Variants in CLSPN observed in about 807,000 individuals in gnomAD.
The protein encoded by CLSPN is claspin homolog.
Under a neutral mutation model 156.3 loss-of-function variants are expected in CLSPN, and 85 were observed. That is an observed-to-expected ratio of 0.54 (90% CI 0.46 to 0.65). CLSPN has a LOEUF of 0.65. Ranked by LOEUF, CLSPN falls within the 30% of genes least tolerant of loss-of-function variation. CLSPN has a pLI of 0.00. For missense variants in CLSPN, 1,407 were observed against 1,554.9 expected, an observed-to-expected ratio of 0.90 and a Z score of 1.60; for synonymous variants, 534 against 542.4, an observed-to-expected ratio of 0.98 and a Z score of 0.22.
rs1642196223 is a variant in CLSPN, at chr1:35,754,183, T to C, written c.1580-247A>G. 2.0e-5 allele frequency among the ~76,000 whole-genome samples: 3 copies of C among 152,192 alleles called. No individual in the cohort carries two copies. In the South Asian group the frequency reaches 6.2e-4, roughly 31 times the overall value. On this transcript the variant is annotated intron_variant, in intron 8 of 24. Transcript: ENST00000318121. ...GACTTTAAAAAATCAGACAGAAATT[T>C]ATACCTGAAATTTCTAAATATGTGC...
rs1036095713 is a variant in CLSPN, at chr1:35,732,922, A to G, written c.*3574T>C. The G allele has an allele frequency of 5.1e-6, 5 of 985,302 alleles. No homozygotes were observed. The African/African-American group carries it at 8.7e-5, about 17-fold the overall frequency. 61.0% of individuals were successfully genotyped at this position (985,302 alleles called of 1,614,324 possible). A position where few individuals can be genotyped will look rare whatever the true frequency, so the allele number is the denominator to read the frequency against. ...GTTTGACTCAAGTTTTCTTTCTCCA[A>G]AGAGTGCTTTCTCCCAGGAGCCTCA... is the stretch of plus-strand genomic sequence containing the variant. On this transcript the variant is annotated 3_prime_UTR_variant, in exon 25 of 25. Transcript: ENST00000318121.
chr1:35,731,178 C>T (rs546395641), downstream of CLSPN, among the ~76,000 whole-genome samples: 17 of 142,540 alleles, frequency 1.2e-4, no homozygotes, highest in East Asian at 3.2e-3. Flanking sequence ...CCAGCCTGGG[C>T]GACAGGGCGA....
At chr1:35,738,342 G>A (rs1641554497) in intron 21 of CLSPN, 113 bp downstream of exon 21, 3 of 1,066,348 alleles carry the variant, frequency 2.8e-6, no homozygotes, top group East Asian at 4.8e-5. Context: ...AAAAGAGATA[G>A]CAATATGTTG....
chr1:35,757,572 T>C (rs1336417076), intron 8 of CLSPN, among the ~76,000 whole-genome samples: 1 of 152,210 alleles, frequency 6.6e-6, no homozygotes, highest in East Asian at 1.9e-4. Flanking sequence ...AAATAATACC[T>C]GGCACTGTGA....
chr1:35,756,351 A>G (rs1314751605), intron 8 of CLSPN, among the ~76,000 whole-genome samples: 4 of 152,192 alleles, frequency 2.6e-5, no homozygotes, highest in African/African-American at 9.7e-5. Flanking sequence ...TGGGACTTAA[A>G]ATAGTAGTCA....
chr1:35,747,609 A>G (rs961942708), intron 14 of CLSPN, among the ~76,000 whole-genome samples: 1 of 152,208 alleles, frequency 6.6e-6, no homozygotes, highest in Non-Finnish European at 1.5e-5. Flanking sequence ...TCTCAACCTT[A>G]CCCAACAATA....
At chr1:35,736,768 G>T in intron 24 of CLSPN, 146 bp downstream of exon 24, 6 of 1,291,798 alleles carry the variant, frequency 4.6e-6, no homozygotes, top group Non-Finnish European at 6.3e-6. Flanking sequence ...TACCGACTGG[G>T]GTAGCAATTC....
chr1:35,762,440 C>T lies in CLSPN; in HGVS notation c.786G>A (p.Glu262=). 4 of 1,613,898 alleles carry T rather than the reference C, an allele frequency of 2.5e-6. No individual in the cohort carries two copies. The highest frequency in any genetic ancestry group is 2.5e-6 in the Non-Finnish European group (3 of 1,179,906). Residue 262 remains glutamate (E), a synonymous_variant, in exon 5 of 25, where the codon GAG becomes GAA. Coordinates refer to ENST00000318121, the MANE Select transcript of CLSPN (RefSeq NM_022111.4). ...PSLESGVHSF[E]EGSELSKGTT... ...TTCCTTTTGATAACTCACTTCCTTCCTCAAATGAATGGACCCCACTCTCCA... is the reference window on the plus strand; with the variant it reads ...TTCCTTTTGATAACTCACTTCCTTCTTCAAATGAATGGACCCCACTCTCCA...
rs776595417 is a variant in CLSPN, at chr1:35,753,827, A to C, written c.1689T>G (p.Asp563Glu). 1.2e-6 allele frequency: 2 copies of C among 1,614,186 alleles called. No individual in the cohort carries two copies. The highest frequency in any genetic ancestry group is 2.2e-5 in the South Asian group (2 of 91,086). The change falls in exon 9 of 25, where the codon GAT (aspartate) becomes GAG (glutamate). Residue 563 changes from aspartate to glutamate, a missense_variant. Asp to Glu is a conservative substitution (Grantham distance 45). Transcript: ENST00000318121. ...CATCTGCTTTTAGCTCTTCCTTTCCATCAGTGCCCATGTCTTTCACTATGA... is the reference window on the plus strand; with the variant it reads ...CATCTGCTTTTAGCTCTTCCTTTCCCTCAGTGCCCATGTCTTTCACTATGA... ...VNVIVKDMGTDGKEELKADVV... is the reference protein window; with the variant it reads ...VNVIVKDMGTEGKEELKADVV...
chr1:35,760,582 C>T lies in CLSPN; in HGVS notation c.1339G>A (p.Gly447Arg). The stretch of plus-strand genomic sequence containing the variant: ...GCATGAGGTTCAAATGCTACAAGCC[C>T]TCCAACCTGACATTCCTCACTGTGA... ...NNHSEECQVGGLVAFEPHALE... is the reference protein window; with the variant it reads ...NNHSEECQVGRLVAFEPHALE... Residue 447 changes from glycine (G) to arginine (R), a missense_variant, in exon 8 of 25, where the codon GGG (glycine) becomes AGG (arginine). Around this residue, in one of 3 missense-constraint regions of CLSPN, gnomAD observed 1,096 missense variants for 1,193.0 expected, o/e 0.92. Transcript: ENST00000318121. 1 of 1,614,214 alleles carries T rather than the reference C, an allele frequency of 6.2e-7. No homozygotes were observed.
At chr1:35,769,186 TG>T (rs1642775226) in intron 1 of CLSPN, among the ~76,000 whole-genome samples, 2 of 152,248 alleles carry the variant, frequency 1.3e-5, no homozygotes, top group Non-Finnish European at 2.9e-5. Flanking sequence ...TTGAGGGTTT[TG>T]GCGCCCCTTT....
chr1:35,765,707 C>A (rs754694483), intron 1 of CLSPN, among the ~76,000 whole-genome samples: 4 of 152,076 alleles, frequency 2.6e-5, no homozygotes, highest in Non-Finnish European at 5.9e-5. Context: ...ATTTTATCAA[C>A]CCTCAATTAA....
chr1:35,738,053 C>T lies in CLSPN; in HGVS notation c.3603G>A (p.Gly1201=). 6.8e-7 allele frequency: 1 copy of T among 1,469,936 alleles called. No individual in the cohort carries two copies. The highest frequency in any genetic ancestry group is 9.1e-7 in the Non-Finnish European group (1 of 1,099,436). The allele number at this position is 1,469,936 out of a possible 1,614,324, so 91.1% of individuals were successfully genotyped here. The change falls in exon 22 of 25, where the codon GGG becomes GGA. Residue 1201 remains glycine (G), a synonymous_variant. Coordinates refer to ENST00000318121, the MANE Select transcript of CLSPN (RefSeq NM_022111.4). ...KITAEEEEEI[G]EDSQFMILAK... ...CCAGTATCATAAACTGACTGTCCTC[C>T]CCAATTTCTTCTTCTTCTTCAGCTG...
chr1:35,724,200 A>G (rs907727028), intron 24 of CLSPN, among the ~76,000 whole-genome samples: 9 of 152,196 alleles, frequency 5.9e-5, no homozygotes, highest in Non-Finnish European at 1.2e-4. Flanking sequence ...TGGCCTCCCA[A>G]CATTCTGGGA....
At position 35,737,402 on chromosome 1, in the gene CLSPN, A is replaced by C; in HGVS notation, c.3684T>G (p.Ile1228Met). The stretch of plus-strand genomic sequence containing the variant: ...TTCTGAGCAAAGACTTTGATTCCTG[A>C]ATAACCATAGGGCGACTGGCTGGAA... Reference protein sequence around the residue: ...LQKNASRPMVIQESKSLLRNP... With the variant: ...LQKNASRPMVMQESKSLLRNP... Residue 1228 changes from isoleucine to methionine, a missense_variant, in exon 23 of 25, where the codon ATT becomes ATG. Ile to Met is a conservative substitution (Grantham distance 10). This residue lies in a region of CLSPN where 241 missense variants were observed against 240.5 expected (regional missense o/e 1.00). Coordinates refer to ENST00000318121, the MANE Select transcript of CLSPN (RefSeq NM_022111.4). The C allele has an allele frequency of 1.2e-6, 2 of 1,614,016 alleles. No individual in the cohort carries two copies. The highest frequency in any genetic ancestry group is 1.7e-6 in the Non-Finnish European group (2 of 1,179,908).
chr1:35,722,714 G>A (rs916952015), intron 24 of CLSPN, among the ~76,000 whole-genome samples: 2 of 151,116 alleles, frequency 1.3e-5, no homozygotes, highest in African/African-American at 4.9e-5. Flanking sequence ...TCATTGCAAC[G>A]TCCGCCTCCC....
chr1:35,736,527 G>A lies in CLSPN; in HGVS notation c.3989C>T (p.Thr1330Met), dbSNP rs376933363. ...LKTDDSTSGL[T>M]RSIFKYLES ...CTCCAAATATTTGAAGATGCTTCGC[G>A]TCAATCCTGAAGTGCTATCATCTGT... Residue 1330 changes from threonine to methionine, a missense_variant, in exon 25 of 25, where the codon ACG becomes ATG. By Grantham distance (81) the Thr-to-Met change is moderately conservative. This residue lies in a region of CLSPN where 241 missense variants were observed against 240.5 expected (regional missense o/e 1.00). Transcript: ENST00000318121. 5.0e-5 allele frequency: 80 copies of A among 1,608,222 alleles called. 1 individual carries two copies. In the Admixed American group the frequency reaches 9.3e-4, roughly 19 times the overall value.
chr1:35,765,261 A>G lies in CLSPN; in HGVS notation c.90T>C (p.Ser30=). 1 of 1,613,938 alleles carries G rather than the reference A, an allele frequency of 6.2e-7. No homozygotes were observed. Among genetic ancestry groups the G allele is most frequent in the Non-Finnish European group, 8.5e-7 (1 of 1,179,872 alleles). The part of the protein sequence containing the change: ...SQEEADSPSD[S]GQGSYETIGP... ...CAATTGTTTCATAGCTGCCCTGTCC[A>G]CTATCTGAAGGACTATCTGCTTCCT... The change falls in exon 2 of 25, where the codon AGT becomes AGC. Residue 30 remains serine (S), a synonymous_variant. Transcript: ENST00000318121.
chr1:35,732,212 C>T lies in CLSPN; in HGVS notation c.*4284G>A, dbSNP rs1384601965. 1 of 985,216 alleles carries T rather than the reference C, an allele frequency of 1.0e-6. No homozygotes were observed. Among genetic ancestry groups the T allele is most frequent in the Admixed American group, 6.2e-5 (1 of 16,250 alleles). The allele number at this position is 985,216 out of a possible 1,614,324, so 61.0% of individuals were successfully genotyped here. On this transcript the variant is annotated 3_prime_UTR_variant, in exon 25 of 25. Transcript: ENST00000318121. ...GGATATAAGGGTAGAAGATACAATA[C>T]CATCTCAAGGATGACATAATCAAAT...
Sources: allele counts gnomAD v4.1 joint callset (sites outside exome capture counted in the v4.1 genomes callset), GRCh38; gene constraint gnomAD v4.1.1; regional missense constraint gnomAD v4.1.1; transcripts MANE v1.5; gene names NCBI Gene and HGNC (gene_info 2026-07-23, HGNC 2026-07-21).